The following CPVL variants were observed in gnomAD, a reference collection of about 807,000 sequenced individuals.
CPVL encodes the protein carboxypeptidase vitellogenic like.
In CPVL, 51 loss-of-function variants were observed where a neutral mutation model predicts 63.7. The ratio of observed to expected loss-of-function variants is 0.80; its 90% CI spans 0.64 to 1.01. The LOEUF is 1.01. Among genes scored for constraint, CPVL ranks in the 50% least tolerant of loss-of-function variants. CPVL has a pLI of 0.00. For synonymous variants in CPVL, 195 were observed against 206.0 expected (o/e 0.95, Z 0.46); for missense variants, 530 against 573.1 (o/e 0.92, Z 0.77).
chr7:29,094,101 G>C (rs905094006), intron 5 of CPVL, among the ~76,000 whole-genome samples: 4 of 152,196 alleles, frequency 2.6e-5, no homozygotes, highest in Non-Finnish European at 4.4e-5. Flanking sequence ...AGCACTTTGG[G>C]AGGCTGAGGT....
chr7:29,118,146 G>T (rs1230401847), intron 2 of CPVL, among the ~76,000 whole-genome samples: 1 of 152,224 alleles, frequency 6.6e-6, no homozygotes, highest in Non-Finnish European at 1.5e-5. Context: ...CAGAGCAGAA[G>T]TCAGAAGATT....
rs544422646 is a variant in CPVL at position 29,042,256 on chromosome 7, GC to G, written c.1138-11498del. ...GGGAAAACCTGCTTGCTATTGGCTT[GC>G]CCTGCCAGCTCTCTGCTCCCCAACA... On this transcript the variant is annotated intron_variant, in intron 11 of 12. Transcript: ENST00000265394. Among the ~76,000 whole-genome samples, 4 of 152,210 alleles carry G rather than the reference GC, an allele frequency of 2.6e-5. No homozygotes were observed. In the South Asian group the frequency reaches 8.3e-4, roughly 32 times the overall value.
chr7:29,125,344 A>G (rs1789883032), intron 1 of CPVL, among the ~76,000 whole-genome samples: 1 of 151,060 alleles, frequency 6.6e-6, no homozygotes, highest in Non-Finnish European at 1.5e-5. Flanking sequence ...CAAAGCCAGA[A>G]TTTACTTATG....
At chr7:29,161,377 G>A (rs994059834) in intron 5 of CPVL, among the ~76,000 whole-genome samples, 1 of 152,164 alleles carries the variant, frequency 6.6e-6, no homozygotes, top group African/African-American at 2.4e-5. Flanking sequence ...GAGCCTGCCA[G>A]ATAAGATTTC....
At chr7:29,155,311 A>C (rs557797701) in intron 5 of CPVL, among the ~76,000 whole-genome samples, 1 of 152,214 alleles carries the variant, frequency 6.6e-6, no homozygotes, top group Non-Finnish European at 1.5e-5. Flanking sequence ...TATCAAAAAT[A>C]AATAAATAGA....
chr7:29,045,675 T>C lies in CPVL; in HGVS notation c.1138-14916A>G, dbSNP rs11977122. On this transcript the variant is annotated intron_variant, in intron 11 of 12. Coordinates refer to ENST00000265394, the MANE Select transcript of CPVL (RefSeq NM_031311.5). ...ACTAACAGTTGAAGAATTAGTATCA[T>C]TTAAGTGTTAAATTTTTCTTGATAT... is the stretch of plus-strand genomic sequence containing the variant. 9.9e-3 allele frequency among the ~76,000 whole-genome samples: 1,502 copies of C among 152,350 alleles called. 22 individuals are homozygous for C. The highest frequency in any genetic ancestry group is 0.034 in the African/African-American group (1,432 of 41,568).
chr7:29,020,338 A>C (rs960258733), intron 12 of CPVL, among the ~76,000 whole-genome samples: 15 of 152,206 alleles, frequency 9.9e-5, no homozygotes, highest in African/African-American at 1.4e-4. Flanking sequence ...GCAGCTCAAC[A>C]TTCAAATATG....
intron 5 of CPVL, among the ~76,000 whole-genome samples, chr7:29,158,951 T>C (rs112348653): frequency 2.7e-4 from 41 of 152,324 alleles, no homozygotes; most frequent in African/African-American, 9.6e-4. Flanking sequence ...GATTTCCAAA[T>C]AAGATACCCT....
At chr7:29,076,667 T>C (rs979298536) in intron 7 of CPVL, among the ~76,000 whole-genome samples, 14 of 152,200 alleles carry the variant, frequency 9.2e-5, no homozygotes, top group Admixed American at 5.2e-4. Context: ...TGGTTAATTT[T>C]TCCCATGGTG....
intron 5 of CPVL, among the ~76,000 whole-genome samples, chr7:29,093,119 CTCACTTCT>C (rs1785998961): frequency 6.6e-6 from 1 of 152,102 alleles, no homozygotes; most frequent in Non-Finnish European, 1.5e-5. Context: ...GGCGCAGTGG[CTCACTTCT>C]GTAATCCCAG....
rs1381639718 is a variant in CPVL at position 29,050,933 on chromosome 7, C to G, written c.1137+13128G>C. Among the ~76,000 whole-genome samples the G allele has an allele frequency of 2.0e-5, 3 of 151,974 alleles. No homozygotes were observed. In the South Asian group the frequency reaches 6.3e-4, roughly 32 times the overall value. ...AGACTGATGGAACAGAATAGAGAAC[C>G]CAGAAACAAATCCAAATACTAACAG... On this transcript the variant is annotated intron_variant, in intron 11 of 12. Coordinates refer to ENST00000265394, the MANE Select transcript of CPVL (RefSeq NM_031311.5).
intron 3 of CPVL, among the ~76,000 whole-genome samples, chr7:29,098,022 C>G (rs2128613506): frequency 6.6e-6 from 1 of 152,314 alleles, no homozygotes; most frequent in Non-Finnish European, 1.5e-5. Context: ...CAGGACCTAA[C>G]AGTGGGCCCT....
intron 9 of CPVL, 31 bp downstream of exon 9, chr7:29,071,742 T>TTC: frequency 7.9e-7 from 1 of 1,267,112 alleles, no homozygotes; most frequent in Non-Finnish European, 1.1e-6. Context: ...TTTTAATTGC[T>TTC]CAAGGGCAGC....
chr7:29,052,533 G>C (rs1202724684), intron 11 of CPVL, among the ~76,000 whole-genome samples: 1 of 151,332 alleles, frequency 6.6e-6, no homozygotes, highest in Non-Finnish European at 1.5e-5. Flanking sequence ...GACTTTGATG[G>C]GCAACATCAA....
At chr7:29,056,959 T>C (rs994029869) in intron 11 of CPVL, among the ~76,000 whole-genome samples, 1 of 147,710 alleles carries the variant, frequency 6.8e-6, no homozygotes, top group African/African-American at 2.5e-5. Flanking sequence ...CTTTTTTTTT[T>C]TTTTTTTTTG....
At chr7:29,174,621 G>C (rs978710524) in intron 5 of CPVL, among the ~76,000 whole-genome samples, 2 of 152,190 alleles carry the variant, frequency 1.3e-5, no homozygotes, top group East Asian at 3.9e-4. Context: ...AGCACTTTGG[G>C]AGGCCGACTT....
At chr7:29,177,372 A>G (rs1459508392) in intron 5 of CPVL, among the ~76,000 whole-genome samples, 3 of 151,750 alleles carry the variant, frequency 2.0e-5, no homozygotes, top group African/African-American at 7.3e-5. Flanking sequence ...TCCTGCCGCA[A>G]TCTCCTGAGT....
intron 4 of CPVL, chr7:29,184,324 A>T (rs1798452303): frequency 6.6e-6 from 1 of 151,706 alleles, no homozygotes. Flanking sequence ...CTCATATCTC[A>T]TACATCTATG....
chr7:29,188,200 C>G (rs1798960036), intron 1 of CPVL, among the ~76,000 whole-genome samples: 1 of 152,184 alleles, frequency 6.6e-6, no homozygotes, highest in South Asian at 2.1e-4. Flanking sequence ...GACTTTTATG[C>G]TTTAGACACT....
Sources: allele counts gnomAD v4.1 joint callset (sites outside exome capture counted in the v4.1 genomes callset), GRCh38; gene constraint gnomAD v4.1.1; transcripts MANE v1.5; gene names NCBI Gene and HGNC (gene_info 2026-07-23, HGNC 2026-07-21).